Variants in ARHGAP23 observed in about 807,000 individuals in gnomAD.
ARHGAP23 encodes the protein Rho GTPase activating protein 23.
In ARHGAP23, 34 loss-of-function variants were observed where a neutral mutation model predicts 136.3. The observed-to-expected ratio is 0.25, with a 90% CI of 0.19 to 0.33. The LOEUF is 0.33. Ranked by LOEUF, ARHGAP23 falls within the 10% of genes least tolerant of loss-of-function variation. The pLI, the probability that ARHGAP23 is intolerant of heterozygous loss-of-function variation, is 1.00. For synonymous variants in ARHGAP23, 832 were observed against 920.5 expected (o/e 0.90, Z 1.74); for missense variants, 1,808 against 2,139.0 (o/e 0.85, Z 3.05).
chr17:38,469,897 C>G lies in ARHGAP23; in HGVS notation c.1967C>G (p.Thr656Ser). 1 of 1,551,710 alleles carries G rather than the reference C, an allele frequency of 6.4e-7. No individual in the cohort carries two copies. The highest frequency in any genetic ancestry group is 8.7e-7 in the Non-Finnish European group (1 of 1,146,994). Reference sequence around the variant, plus strand: ...CTGCGGATGCTCCGGAGCTTCTTCACCGACGGGGTGAGAGCTGCAAGTGTG... The same window carrying G: ...CTGCGGATGCTCCGGAGCTTCTTCAGCGACGGGGTGAGAGCTGCAAGTGTG... ...PSLRMLRSFF[T>S]DGSLDSWGTS... The change falls in exon 10 of 24, where the codon ACC (threonine) becomes AGC (serine). Residue 656 changes from threonine (T) to serine (S), a missense_variant. Physicochemically the swap from Thr to Ser is moderately conservative, Grantham distance 58 (BLOSUM62 1). Around this residue, in one of 7 missense-constraint regions of ARHGAP23, gnomAD observed 859 missense variants for 936.4 expected, o/e 0.92. Coordinates refer to ENST00000622683, the MANE Select transcript of ARHGAP23 (RefSeq NM_001199417.2).
At chr17:38,462,622 C>G (rs1001619300) in intron 3 of ARHGAP23, among the ~76,000 whole-genome samples, 3 of 152,206 alleles carry the variant, frequency 2.0e-5, no homozygotes, top group Non-Finnish European at 4.4e-5. Flanking sequence ...CGGAGTGACT[C>G]TTTGTATGTC....
chr17:38,487,820 C>T (rs951507908), intron 17 of ARHGAP23, among the ~76,000 whole-genome samples: 1 of 151,966 alleles, frequency 6.6e-6, no homozygotes, highest in African/African-American at 2.4e-5. Flanking sequence ...GCCAAGATCG[C>T]ACCACTGCAC....
chr17:38,475,665 C>T (rs1310360170), intron 11 of ARHGAP23, among the ~76,000 whole-genome samples: 5 of 152,224 alleles, frequency 3.3e-5, no homozygotes, highest in Admixed American at 2.6e-4. Context: ...GGAGCTCCTG[C>T]CCTCAGGGTG....
chr17:38,471,751 G>C lies in ARHGAP23; in HGVS notation c.1975-112G>C, dbSNP rs1030305020. 4.8e-6 allele frequency: 6 copies of C among 1,257,012 alleles called. No homozygotes were observed. The African/African-American group carries it at 7.5e-5, about 16-fold the overall frequency. The allele number at this position is 1,257,012 out of a possible 1,614,324, so 77.9% of individuals were successfully genotyped here. On this transcript the variant is annotated intron_variant, in intron 10 of 23. Coordinates refer to ENST00000622683, the MANE Select transcript of ARHGAP23 (RefSeq NM_001199417.2). ...CCCATGAGGTCGCACAGCACATCGG[G>C]GTGTAGCACAGACATATATCAGGCC...
At chr17:38,454,873 T>A (rs1162616728) in intron 1 of ARHGAP23, among the ~76,000 whole-genome samples, 1 of 152,234 alleles carries the variant, frequency 6.6e-6, no homozygotes, top group Non-Finnish European at 1.5e-5. Flanking sequence ...CCTAAGGCCG[T>A]CTGCCCTGCT....
At chr17:38,422,232 C>T (rs557343683) in intron 1 of ARHGAP23, among the ~76,000 whole-genome samples, 3 of 152,292 alleles carry the variant, frequency 2.0e-5, no homozygotes, top group Admixed American at 6.5e-5. Flanking sequence ...ATTTACATAG[C>T]GGGGCTAATA....
In ARHGAP23 at chr17:38,490,449, C is replaced by T. The variant is rs2040251704; in HGVS notation, c.3061-13C>T. On this transcript the variant is annotated splice_polypyrimidine_tract_variant and intron_variant, in intron 18 of 23. Coordinates refer to ENST00000622683, the MANE Select transcript of ARHGAP23 (RefSeq NM_001199417.2). ...TACAGCCTGTCCCCATGCCCCTCCT[C>T]TCTCCTGCTCAGATCCGGGATCTCC... 5 of 1,539,036 alleles carry T rather than the reference C, an allele frequency of 3.2e-6. No homozygotes were observed. In the Admixed American group the frequency reaches 5.9e-5, roughly 18 times the overall value.
rs1374078515 is a variant in ARHGAP23 at position 38,466,432 on chromosome 17, C to A, written c.749C>A (p.Pro250His). ...LDNSSLGMSQ[P>H]RPSPGAFPHL... ...AACTCTTCCTTGGGGATGAGCCAGCCCCGCCCCAGCCCTGGTGCCTTCCCC... is the reference window on the plus strand; with the variant it reads ...AACTCTTCCTTGGGGATGAGCCAGCACCGCCCCAGCCCTGGTGCCTTCCCC... Residue 250 changes from proline to histidine, a missense_variant, in exon 7 of 24, where the codon CCC (proline) becomes CAC (histidine). Pro to His is a moderately conservative substitution (Grantham distance 77). Coordinates refer to ENST00000622683, the MANE Select transcript of ARHGAP23 (RefSeq NM_001199417.2). 2.0e-6 allele frequency: 3 copies of A among 1,526,840 alleles called. No homozygotes were observed. The highest frequency in any genetic ancestry group is 1.8e-6 in the Non-Finnish European group (2 of 1,139,390). The allele number at this position is 1,526,840 out of a possible 1,614,324, so 94.6% of individuals were successfully genotyped here. A position where few individuals can be genotyped will look rare whatever the true frequency, so the allele number is the denominator to read the frequency against.
At chr17:38,509,860 G>A (rs1322696037) in intron 23 of ARHGAP23, 84 bp from the exon 24 acceptor site, 4 of 1,094,246 alleles carry the variant, frequency 3.7e-6, no homozygotes, top group Non-Finnish European at 4.7e-6. Context: ...TGGGTGCCGT[G>A]ACGTGGGGGT....
At chr17:38,479,349 C>A in intron 12 of ARHGAP23, 87 bp from the exon 13 acceptor site, 1 of 1,210,188 alleles carries the variant, frequency 8.3e-7, no homozygotes, top group African/African-American at 1.5e-5. Flanking sequence ...GGCAGGTGGA[C>A]AAGAGGGGAA....
rs558296926 is a variant in ARHGAP23, at chr17:38,460,558, G to A, written c.226-347G>A. 7.2e-5 allele frequency among the ~76,000 whole-genome samples: 11 copies of A among 152,276 alleles called. No individual in the cohort carries two copies. The East Asian group carries it at 2.1e-3, about 29-fold the overall frequency. ...GAGCTGATAGCTGTAGTTTGCGCTT[G>A]TCACGTGCCTATCTGTGACTGCCCG... is the stretch of plus-strand genomic sequence containing the variant. On this transcript the variant is annotated intron_variant, in intron 2 of 23. Coordinates refer to ENST00000622683, the MANE Select transcript of ARHGAP23 (RefSeq NM_001199417.2).
intron 22 of ARHGAP23, among the ~76,000 whole-genome samples, chr17:38,499,419 G>T (rs1300650415): frequency 1.3e-5 from 2 of 152,330 alleles, no homozygotes; most frequent in Admixed American, 6.5e-5. Flanking sequence ...AGGGCCTGTG[G>T]CCCTCTCATG....
At chr17:38,464,370 C>T (rs934958179) in intron 6 of ARHGAP23, among the ~76,000 whole-genome samples, 2 of 152,214 alleles carry the variant, frequency 1.3e-5, no homozygotes, top group Non-Finnish European at 2.9e-5. Flanking sequence ...GCCCAGTGCC[C>T]ACCTCCCTGG....
In ARHGAP23 at chr17:38,510,766, G is replaced by A. The variant is rs2040745087; in HGVS notation, c.4270G>A (p.Glu1424Lys). 1.3e-6 allele frequency: 2 copies of A among 1,494,918 alleles called. No homozygotes were observed. Among genetic ancestry groups the A allele is most frequent in the Non-Finnish European group, 8.9e-7 (1 of 1,124,754 alleles). The allele number at this position is 1,494,918 out of a possible 1,614,324, so 92.6% of individuals were successfully genotyped here. ...TGACCTCAACTTCAACGAGTGGAAG[G>A]AGCTGGGCGGAGGGGGCCCCCCGGA... ...LTDLNFNEWK[E>K]LGGGGPPEPA... The change falls in exon 24 of 24, where the codon GAG becomes AAG. Residue 1424 changes from glutamate (E) to lysine (K), a missense_variant. Physicochemically the swap from Glu to Lys is moderately conservative, Grantham distance 56. This residue lies in a region of ARHGAP23 where 506 missense variants were observed against 455.8 expected (regional missense o/e 1.11). Transcript: ENST00000622683. This position sits in a 1 kb window ranked among gnomAD's most constrained non-coding sequence, Gnocchi z 4.6.
At chr17:38,441,354 A>T (rs1234347501) in intron 1 of ARHGAP23, among the ~76,000 whole-genome samples, 1 of 152,066 alleles carries the variant, frequency 6.6e-6, no homozygotes, top group Non-Finnish European at 1.5e-5. Flanking sequence ...GGCGTTTCTC[A>T]TGTCTGGCTG....
intron 7 of ARHGAP23, 70 bp downstream of exon 7, chr17:38,467,401 T>C: frequency 1.4e-6 from 2 of 1,390,820 alleles, no homozygotes; most frequent in Non-Finnish European, 9.5e-7. Context: ...CTGTACCCCA[T>C]CTGCCTGTCT....
intron 1 of ARHGAP23, among the ~76,000 whole-genome samples, chr17:38,449,365 C>T (rs1035722670): frequency 1.3e-5 from 2 of 152,166 alleles, no homozygotes; most frequent in Admixed American, 6.5e-5. Flanking sequence ...AGTGCCAGTG[C>T]GGGGTGCCCA....
intron 6 of ARHGAP23, among the ~76,000 whole-genome samples, chr17:38,465,264 G>A (rs950544553): frequency 7.0e-6 from 1 of 142,270 alleles, no homozygotes; most frequent in African/African-American, 3.1e-5. Flanking sequence ...ATCACATGAT[G>A]TTTGTGCCTG....
intron 1 of ARHGAP23, among the ~76,000 whole-genome samples, chr17:38,439,683 C>T (rs1477222219): frequency 6.6e-6 from 1 of 152,120 alleles, no homozygotes. Context: ...GAAACAGAAG[C>T]TTAGGGAGGT....
Sources: gnomAD v4.1 joint callset for allele counts (sites outside exome capture counted in the v4.1 genomes callset) on GRCh38, gnomAD v4.1.1 for gene constraint, gnomAD v4.1.1 regional missense constraint, Gnocchi (gnomAD v3.1) non-coding constraint, MANE v1.5 for transcripts, NCBI Gene and HGNC (gene_info 2026-07-23, HGNC 2026-07-21) for gene names.